Variants in CFAP74 observed in about 807,000 individuals in gnomAD.
CFAP74 encodes the protein cilia and flagella associated protein 74, also known as cilia- and flagella-associated protein 74.
A neutral mutation model predicts 188.9 loss-of-function variants in CFAP74; 124 were observed. The ratio of observed to expected loss-of-function variants is 0.66; its 90% CI spans 0.57 to 0.76. CFAP74 has a LOEUF of 0.76. Among genes scored for constraint, CFAP74 ranks in the 30% least tolerant of loss-of-function variants. The pLI is 0.00. For missense variants in CFAP74, 2,198 were observed against 2,165.2 expected, an observed-to-expected ratio of 1.02 and a Z score of -0.30; for synonymous variants, 956 against 916.7, an observed-to-expected ratio of 1.04 and a Z score of -0.77.
At position 1,945,978 on chromosome 1, in the gene CFAP74, G is replaced by T. The variant is rs577752229; in HGVS notation, c.2364+339C>A. ...TGTGTATGTGCGTTTGTGCGTGTGGGGGGGGCTCTGCATGTGTGCATGTGT... is the reference window on the plus strand; with the variant it reads ...TGTGTATGTGCGTTTGTGCGTGTGGTGGGGGCTCTGCATGTGTGCATGTGT... On this transcript the variant is annotated intron_variant, in intron 20 of 38. Transcript: ENST00000682832. Among the ~76,000 whole-genome samples the T allele has an allele frequency of 3.1e-4, 46 of 147,390 alleles. No homozygotes were observed. The East Asian group carries it at 5.6e-3, about 18-fold the overall frequency.
intron 18 of CFAP74, among the ~76,000 whole-genome samples, chr1:1,949,488 GA>G (rs1217957479): frequency 2.8e-5 from 4 of 143,154 alleles, no homozygotes; most frequent in Admixed American, 1.3e-4. Flanking sequence ...CTGTGTGAGT[GA>G]TTTTTTTTTT....
chr1:1,928,759 C>G, intron 27 of CFAP74, 25 bp downstream of exon 27: 13 of 1,515,074 alleles, frequency 8.6e-6, no homozygotes, highest in Non-Finnish European at 1.2e-5. Context: ...CCGACCTACG[C>G]CCCTCCTTCC....
At chr1:1,965,216 C>T (rs919500825) in intron 12 of CFAP74, among the ~76,000 whole-genome samples, 155 bp from the exon 13 acceptor site, 3 of 151,702 alleles carry the variant, frequency 2.0e-5, no homozygotes, top group Non-Finnish European at 4.4e-5. Flanking sequence ...CCCCATGGCC[C>T]GGGGAGTTGC....
intron 16 of CFAP74, among the ~76,000 whole-genome samples, chr1:1,957,287 A>G (rs1207568469): frequency 6.6e-6 from 1 of 152,148 alleles, no homozygotes; most frequent in Non-Finnish European, 1.5e-5. Flanking sequence ...GGCTCTGCCC[A>G]ATGGCCCCTC....
chr1:1,922,404 A>T lies in CFAP74; in HGVS notation c.4819-16T>A, dbSNP rs754516749. 1.3e-6 allele frequency: 2 copies of T among 1,596,658 alleles called. No individual in the cohort carries two copies. The highest frequency in any genetic ancestry group is 1.4e-5 in the African/African-American group (1 of 74,054). On this transcript the variant is annotated splice_polypyrimidine_tract_variant and intron_variant, in intron 38 of 38. Transcript: ENST00000682832. ...GGTGGTCTGGCTGGAACAGGAGGGG[A>T]GGGGAGAAGAGGCCTTCAGTCAGTG...
chr1:1,947,032 C>G lies in CFAP74; in HGVS notation c.2199G>C (p.Val733=), dbSNP rs895364374. The G allele has an allele frequency of 1.3e-6, 2 of 1,535,958 alleles. No individual in the cohort carries two copies. The highest frequency in any genetic ancestry group is 1.7e-6 in the Non-Finnish European group (2 of 1,146,822). Residue 733 remains valine (V), a synonymous_variant, in exon 19 of 39, where the codon GTG becomes GTC. Coordinates refer to ENST00000682832, the MANE Select transcript of CFAP74 (RefSeq NM_001304360.2). The stretch of plus-strand genomic sequence containing the variant: ...CCGTCTGCTCTTCGCTGGGAGGTAT[C>G]ACTGTGGTTAATCTCTCTGGTTCTG... ...QPAEPERLTT[V]IPPSEEQTEI... is the part of the protein sequence containing the mutation.
In CFAP74 at chr1:1,926,709, C is replaced by T. The variant is rs1249849447; in HGVS notation, c.3715G>A (p.Val1239Ile). 1 of 1,550,168 alleles carries T rather than the reference C, an allele frequency of 6.5e-7. No individual in the cohort carries two copies. The highest frequency in any genetic ancestry group is 1.2e-5 in the South Asian group (1 of 84,064). ...TTGCCTTTATGGGACGTCACCACAA[C>T]AGATGGTGCCACCGTCGGGCACCAC... The part of the protein sequence containing the change: ...ELWCPTVAPS[V>I]VVTSHKGKTI... The change falls in exon 30 of 39, where the codon GTT (valine) becomes ATT (isoleucine). Residue 1239 changes from valine (V) to isoleucine (I), a missense_variant. Coordinates refer to ENST00000682832, the MANE Select transcript of CFAP74 (RefSeq NM_001304360.2).
intron 11 of CFAP74, among the ~76,000 whole-genome samples, chr1:1,967,575 C>T (rs557849814): frequency 9.9e-5 from 15 of 152,224 alleles, no homozygotes; most frequent in African/African-American, 3.1e-4. Context: ...TCAGCCCAGG[C>T]ACTGGGAGCC....
intron 6 of CFAP74, among the ~76,000 whole-genome samples, chr1:1,982,042 ATG>A (rs1656916792): frequency 2.2e-5 from 3 of 138,654 alleles, no homozygotes; most frequent in Admixed American, 7.1e-5. Context: ...CCGTGGTCAC[ATG>A]CGGGGACACG....
intron 14 of CFAP74, among the ~76,000 whole-genome samples, chr1:1,962,178 A>G (rs1655132914): frequency 6.6e-6 from 1 of 152,256 alleles, no homozygotes; most frequent in Admixed American, 6.5e-5. Flanking sequence ...TTTCTTAAAA[A>G]TAAAGTAAGT....
rs1156857930 is a variant in CFAP74, at chr1:1,930,229, G to A, written c.3119C>T (p.Thr1040Ile). ...CAGGTGAGAGTTGATGACGTACACT[G>A]TAGCCACGGAGGTGTCGTATAGGGC... ...ATALYDTSVATVYVINSHLSM... is the reference protein window; with the variant it reads ...ATALYDTSVAIVYVINSHLSM... The change falls in exon 26 of 39, where the codon ACA becomes ATA. Residue 1040 changes from threonine to isoleucine, a missense_variant. Coordinates refer to ENST00000682832, the MANE Select transcript of CFAP74 (RefSeq NM_001304360.2). 1.8e-5 allele frequency: 27 copies of A among 1,535,638 alleles called. 1 individual carries two copies. In the East Asian group the frequency reaches 3.2e-4, roughly 18 times the overall value.
At position 1,951,166 on chromosome 1, in the gene CFAP74, C is replaced by A. The variant is rs547008491; in HGVS notation, c.2177-4112G>T. Among the ~76,000 whole-genome samples the A allele has an allele frequency of 3.9e-5, 6 of 152,256 alleles. No homozygotes were observed. The South Asian group carries it at 1.2e-3, about 32-fold the overall frequency. ...AGTCATGGTTGGAAGGGGAAGCAGGCACGTCTCACACAGCGGCAGGAGAGA... is the reference window on the plus strand; with the variant it reads ...AGTCATGGTTGGAAGGGGAAGCAGGAACGTCTCACACAGCGGCAGGAGAGA... On this transcript the variant is annotated intron_variant, in intron 18 of 38. Coordinates refer to ENST00000682832, the MANE Select transcript of CFAP74 (RefSeq NM_001304360.2).
At position 1,973,933 on chromosome 1, in the gene CFAP74, C is replaced by G; in HGVS notation, c.674+92G>C. The G allele has an allele frequency of 7.9e-7, 1 of 1,262,296 alleles. No individual in the cohort carries two copies. The highest frequency in any genetic ancestry group is 2.8e-5 in the East Asian group (1 of 35,820). 78.2% of individuals were successfully genotyped at this position (1,262,296 alleles called of 1,614,324 possible). A position where few individuals can be genotyped will look rare whatever the true frequency, so the allele number is the denominator to read the frequency against. ...GGTGGATCTGGACAGATGTGGAGGG[C>G]GAGGCTGAATCTGGAGACCCCTGGG... On this transcript the variant is annotated intron_variant, in intron 7 of 38. Transcript: ENST00000682832. This position sits in a 1 kb window ranked among gnomAD's most constrained non-coding sequence, Gnocchi z 6.2.
intron 20 of CFAP74, 82 bp from the exon 21 acceptor site, chr1:1,944,534 G>T: frequency 7.0e-7 from 1 of 1,430,368 alleles, no homozygotes; most frequent in Non-Finnish European, 9.5e-7. Context: ...ACAGCTCCCA[G>T]GAGGAACGTT....
At chr1:1,943,835 G>A (rs553819641) in intron 21 of CFAP74, among the ~76,000 whole-genome samples, 2 of 152,340 alleles carry the variant, frequency 1.3e-5, no homozygotes, top group Admixed American at 6.5e-5. Context: ...GCCAAGGTGC[G>A]GGCAGGGCCG....
rs139236516 is a variant in CFAP74 at position 1,989,360 on chromosome 1, G to A, written c.68-387C>T. Among the ~76,000 whole-genome samples the A allele has an allele frequency of 1.8e-3, 277 of 152,366 alleles. 1 individual carries two copies. The highest frequency in any genetic ancestry group is 5.7e-3 in the African/African-American group (238 of 41,584). On this transcript the variant is annotated intron_variant, in intron 2 of 38. Coordinates refer to ENST00000682832, the MANE Select transcript of CFAP74 (RefSeq NM_001304360.2). ...AGGGCGGACGGTGTGAGACAAAGCC[G>A]TTGGGGAGAGCTGCTGCTGAATAAA...
chr1:1,974,331 G>T (rs572734283), intron 6 of CFAP74, 133 bp from the exon 7 acceptor site: 1,678 of 792,094 alleles, frequency 2.1e-3, no homozygotes, highest in Non-Finnish European at 2.7e-3. Flanking sequence ...CTCCTCTAGG[G>T]GCCATCTCCG....
intron 14 of CFAP74, 25 bp from the exon 15 acceptor site, chr1:1,960,055 CG>C (rs766906130): frequency 2.5e-6 from 4 of 1,588,708 alleles, no homozygotes; most frequent in Non-Finnish European, 2.6e-6. Context: ...CCATAGCACA[CG>C]GGGGTTAGTG....
At chr1:1,948,535 T>TACTTTAG (rs1419232497) in intron 18 of CFAP74, among the ~76,000 whole-genome samples, 3 of 151,084 alleles carry the variant, frequency 2.0e-5, no homozygotes, top group African/African-American at 7.3e-5. Context: ...ATTGGGATTA[T>TACTTTAG]AGGCATGAGC....
Sources: gnomAD v4.1 joint callset for allele counts (sites outside exome capture counted in the v4.1 genomes callset) on GRCh38, gnomAD v4.1.1 for gene constraint, Gnocchi (gnomAD v3.1) non-coding constraint, MANE v1.5 for transcripts, NCBI Gene and HGNC (gene_info 2026-07-23, HGNC 2026-07-21) for gene names.